Variants in SSBP2 observed in about 807,000 individuals in gnomAD.
SSBP2 encodes single-stranded DNA-binding protein 2.
A neutral mutation model predicts 61.8 loss-of-function variants in SSBP2; 17 were observed. The observed-to-expected ratio is 0.28, with a 90% confidence interval of 0.19 to 0.41. SSBP2 has a LOEUF of 0.41. SSBP2 is among the 10% of genes least tolerant of loss of function. The probability of loss-of-function intolerance (pLI) is 1.00; values close to 1 mark genes in which losing one functional copy is unlikely to be tolerated. For missense variants in SSBP2, 310 were observed against 458.7 expected, an observed-to-expected ratio of 0.68 and a Z score of 2.96; for synonymous variants, 139 against 141.3, an observed-to-expected ratio of 0.98 and a Z score of 0.12.
intron 1 of SSBP2, among the ~76,000 whole-genome samples, chr5:81,735,701 T>C (rs1756554050): frequency 6.6e-6 from 1 of 152,188 alleles, no homozygotes; most frequent in African/African-American, 2.4e-5. Flanking sequence ...TATTTTTAAA[T>C]AATAAGATAA....
At chr5:81,599,737 G>A (rs1347227679) in intron 4 of SSBP2, among the ~76,000 whole-genome samples, 1 of 152,138 alleles carries the variant, frequency 6.6e-6, no homozygotes, top group Non-Finnish European at 1.5e-5. Context: ...ATGTATCGAG[G>A]GCCCACTATA....
intron 15 of SSBP2, among the ~76,000 whole-genome samples, chr5:81,432,498 G>C (rs1378611435): frequency 1.1e-4 from 16 of 152,128 alleles, no homozygotes; most frequent in Non-Finnish European, 2.4e-4. Flanking sequence ...TGTAATCCCA[G>C]CACTTTGGAA....
In SSBP2 at chr5:81,687,785, C is replaced by A. The variant is rs372274414; in HGVS notation, c.63-37446G>T. Among the ~76,000 whole-genome samples, 651 of 152,224 alleles carry A rather than the reference C, an allele frequency of 4.3e-3. 7 individuals are homozygous for A. The highest frequency in any genetic ancestry group is 0.015 in the African/African-American group (613 of 41,540). On this transcript the variant is annotated intron_variant, in intron 1 of 16. Coordinates refer to ENST00000320672, the MANE Select transcript of SSBP2 (RefSeq NM_012446.5). ...AACCCACTGTCTTGAAGGGAAGAAC[C>A]CAGTCTTGGCAGGATTCATTACCTT... is the stretch of plus-strand genomic sequence containing the variant.
intron 1 of SSBP2, among the ~76,000 whole-genome samples, chr5:81,684,298 CAG>C (rs1283493915): frequency 7.2e-5 from 11 of 152,088 alleles, no homozygotes; most frequent in African/African-American, 2.7e-4. Flanking sequence ...TGTAAAGACA[CAG>C]AGGAAACTTA....
intron 1 of SSBP2, among the ~76,000 whole-genome samples, chr5:81,679,445 G>A (rs970720399): frequency 6.6e-6 from 1 of 152,216 alleles, no homozygotes; most frequent in Non-Finnish European, 1.5e-5. Flanking sequence ...AAAGGAATGA[G>A]AGGAAGGAAT....
intron 4 of SSBP2, among the ~76,000 whole-genome samples, chr5:81,563,297 T>C (rs1773186319): frequency 6.6e-6 from 1 of 152,104 alleles, no homozygotes; most frequent in Non-Finnish European, 1.5e-5. Context: ...GATATCCATC[T>C]GCCAAAATAC....
At chr5:81,509,655 T>A (rs1488912462) in intron 5 of SSBP2, among the ~76,000 whole-genome samples, 1 of 152,190 alleles carries the variant, frequency 6.6e-6, no homozygotes, top group African/African-American at 2.4e-5. Flanking sequence ...TAGGGAGACA[T>A]ATTTAAATGT....
intron 4 of SSBP2, among the ~76,000 whole-genome samples, chr5:81,527,836 T>C (rs1000918879): frequency 3.3e-5 from 5 of 150,514 alleles, no homozygotes; most frequent in Admixed American, 6.6e-5. Flanking sequence ...CAAACCACCA[T>C]GGCACATGTA....
At chr5:81,464,881 T>C (rs576073253) in intron 9 of SSBP2, among the ~76,000 whole-genome samples, 4 of 152,204 alleles carry the variant, frequency 2.6e-5, no homozygotes, top group African/African-American at 9.6e-5. Context: ...TAGACTTTGT[T>C]TTAAAGATAA....
At chr5:81,621,584 G>A (rs1746561964) in intron 3 of SSBP2, among the ~76,000 whole-genome samples, 1 of 75,438 alleles carries the variant, frequency 1.3e-5, no homozygotes, top group South Asian at 5.7e-4. Flanking sequence ...AATACCATTT[G>A]ACCCAGCCAT....
At chr5:81,498,916 C>T (rs1423067436) in intron 5 of SSBP2, among the ~76,000 whole-genome samples, 2 of 152,032 alleles carry the variant, frequency 1.3e-5, no homozygotes, top group South Asian at 4.1e-4. Context: ...ATACTTCATA[C>T]ATTTTCTGTA....
At chr5:81,587,976 A>AT (rs1264525210) in intron 4 of SSBP2, among the ~76,000 whole-genome samples, 1 of 151,940 alleles carries the variant, frequency 6.6e-6, no homozygotes, top group Admixed American at 6.6e-5. Flanking sequence ...GATAAATATT[A>AT]TTTTTTGAGA....
intron 4 of SSBP2, among the ~76,000 whole-genome samples, chr5:81,587,437 A>G (rs1352823138): frequency 6.6e-6 from 1 of 152,186 alleles, no homozygotes; most frequent in East Asian, 1.9e-4. Context: ...GTGGGGAAAA[A>G]ACTACCGCTT....
At chr5:81,463,978 A>G (rs532210445) in intron 9 of SSBP2, among the ~76,000 whole-genome samples, 1 of 152,120 alleles carries the variant, frequency 6.6e-6, no homozygotes, top group Admixed American at 6.5e-5. Flanking sequence ...TATGTTGCCC[A>G]GGCTGGTCTC....
chr5:81,445,251 T>A (rs1313658632), intron 12 of SSBP2, among the ~76,000 whole-genome samples: 1 of 145,102 alleles, frequency 6.9e-6, no homozygotes, highest in Non-Finnish European at 1.5e-5. Flanking sequence ...TCCTGGGACC[T>A]CCTTTCTTGT....
intron 1 of SSBP2, among the ~76,000 whole-genome samples, chr5:81,681,088 G>T (rs1160413165): frequency 1.3e-5 from 2 of 151,956 alleles, no homozygotes; most frequent in African/African-American, 4.8e-5. Context: ...AGACACAAAA[G>T]AATTAAACTA....
At chr5:81,590,649 C>A (rs1373701442) in intron 4 of SSBP2, among the ~76,000 whole-genome samples, 1 of 152,222 alleles carries the variant, frequency 6.6e-6, no homozygotes, top group Non-Finnish European at 1.5e-5. Context: ...ACAAGAAAAA[C>A]TGTTGGACAA....
intron 4 of SSBP2, among the ~76,000 whole-genome samples, chr5:81,599,580 A>T (rs956714909): frequency 1.3e-5 from 2 of 152,254 alleles, no homozygotes; most frequent in African/African-American, 2.4e-5. Context: ...TGAGGGTCTC[A>T]GGCTCAGGAA....
chr5:81,457,532 G>A (rs1372442113), intron 10 of SSBP2, among the ~76,000 whole-genome samples: 1 of 152,108 alleles, frequency 6.6e-6, no homozygotes, highest in African/African-American at 2.4e-5. Context: ...ATAAGTACAA[G>A]GGGAAAAATA....
Sources: gnomAD v4.1 joint callset for allele counts (sites outside exome capture counted in the v4.1 genomes callset) on GRCh38, gnomAD v4.1.1 for gene constraint, MANE v1.5 for transcripts, NCBI Gene and HGNC (gene_info 2026-07-23, HGNC 2026-07-21) for gene names.